VSIG10L: variants seen among roughly 807,000 people sequenced by gnomAD.
The protein encoded by VSIG10L is V-set and immunoglobulin domain-containing protein 10-like.
Under a neutral mutation model 67.3 loss-of-function variants are expected in VSIG10L, and 63 were observed. The observed-to-expected ratio is 0.94, with a 90% confidence interval of 0.76 to 1.15. The LOEUF (loss-of-function observed/expected upper bound fraction) is 1.15, where lower values mean the gene tolerates loss of function less well. Among genes scored for constraint, VSIG10L ranks in the 50% most tolerant of loss-of-function variants. The pLI is 0.00. For missense variants in VSIG10L, 1,050 were observed against 1,177.5 expected, an observed-to-expected ratio of 0.89 and a Z score of 1.58; for synonymous variants, 499 against 524.9, an observed-to-expected ratio of 0.95 and a Z score of 0.67.
rs1389134792 is a variant in VSIG10L at position 51,338,020 on chromosome 19, C to A, written c.1918G>T (p.Gly640Cys). The A allele has an allele frequency of 1.9e-6, 3 of 1,551,688 alleles. No homozygotes were observed. The South Asian group carries it at 3.6e-5, about 18-fold the overall frequency. The stretch of plus-strand genomic sequence containing the variant: ...AGGTCCCAATCCAGGCTGAAGTTGC[C>A]GATGTGGAGTTTCCGCCCATCTTGA... ...LSQDGRKLHI[G>C]NFSLDWDLGN... Residue 640 changes from glycine (G) to cysteine (C), a missense_variant, in exon 6 of 10, where the codon GGC becomes TGC. Physicochemically the swap from Gly to Cys is radical, Grantham distance 159. Coordinates refer to ENST00000335624, the MANE Select transcript of VSIG10L (RefSeq NM_001163922.3).
At position 51,338,206 on chromosome 19, in the gene VSIG10L, C is replaced by A. The variant is rs1236446398; in HGVS notation, c.1732G>T (p.Ala578Ser). The A allele has an allele frequency of 6.1e-6, 9 of 1,465,216 alleles. No individual in the cohort carries two copies. Among genetic ancestry groups the A allele is most frequent in the Non-Finnish European group, 5.4e-6 (6 of 1,107,248 alleles). The allele number at this position is 1,465,216 out of a possible 1,614,324, so 90.8% of individuals were successfully genotyped here. The change falls in exon 6 of 10, where the codon GCC becomes TCC. Residue 578 changes from alanine (A) to serine (S), a missense_variant and splice_region_variant. By Grantham distance (99) the Ala-to-Ser change is moderately conservative. Coordinates refer to ENST00000335624, the MANE Select transcript of VSIG10L (RefSeq NM_001163922.3). ...GGATGCAGCAGCACCTCTCGGGGGG[C>A]CTCTGCCGGTGGGAGAAGTCCAGTT... ...ATRTCTVTPE[A>S]PREVLLHPLV... is the part of the protein sequence containing the mutation.
At position 51,333,932 on chromosome 19, in the gene VSIG10L, C is replaced by G. The variant is rs1383976692; in HGVS notation, c.2433G>C (p.Glu811Asp). The G allele has an allele frequency of 1.9e-6, 3 of 1,551,336 alleles. No homozygotes were observed. The highest frequency in any genetic ancestry group is 2.6e-6 in the Non-Finnish European group (3 of 1,146,958). ...CLCRFRGKTP[E>D]KKKHPSTLVP... Reference sequence around the variant, plus strand: ...CCAAGGTAGAAGGATGCTTCTTTTTCTCAGGAGTCTTTCCTGATTGAGAGG... The same window carrying G: ...CCAAGGTAGAAGGATGCTTCTTTTTGTCAGGAGTCTTTCCTGATTGAGAGG... The change falls in exon 9 of 10, where the codon GAG (glutamate) becomes GAC (aspartate). Residue 811 changes from glutamate (E) to aspartate (D), a missense_variant. By Grantham distance (45) the Glu-to-Asp change is conservative. Around this residue, in one of 3 missense-constraint regions of VSIG10L, gnomAD observed 529 missense variants for 584.9 expected, o/e 0.90. Transcript: ENST00000335624.
chr19:51,336,048 C>G (rs1985471225), intron 7 of VSIG10L, among the ~76,000 whole-genome samples: 1 of 152,184 alleles, frequency 6.6e-6, no homozygotes, highest in Non-Finnish European at 1.5e-5. Flanking sequence ...TGAACATGAT[C>G]ACTTTGGGGA....
rs1312204581 is a variant in VSIG10L, at chr19:51,340,515, C to T, written c.1107G>A (p.Val369=). ...EGDQLLIVRP[V]RSDHARYTCR... ...AAGTGTACCGGGCGTGGTCGCTGCG[C>T]ACAGGGCGCACGATGAGCAGCTGGT... Residue 369 remains valine, a synonymous_variant, in exon 3 of 10, where the codon GTG becomes GTA. Transcript: ENST00000335624. This position sits in a 1 kb window ranked among gnomAD's most constrained non-coding sequence, Gnocchi z 6.3. The T allele has an allele frequency of 1.3e-6, 2 of 1,533,472 alleles. No homozygotes were observed. Among genetic ancestry groups the T allele is most frequent in the Non-Finnish European group, 1.7e-6 (2 of 1,144,548 alleles). The allele number at this position is 1,533,472 out of a possible 1,614,324, so 95.0% of individuals were successfully genotyped here. A position where few individuals can be genotyped will look rare whatever the true frequency, so the allele number is the denominator to read the frequency against.
chr19:51,340,864 A>AGAG lies in VSIG10L; in HGVS notation c.896-139_896-138insCTC. On this transcript the variant is annotated intron_variant, in intron 2 of 9. Transcript: ENST00000335624. This position sits in a 1 kb window ranked among gnomAD's most constrained non-coding sequence, Gnocchi z 6.3. The stretch of plus-strand genomic sequence containing the variant: ...ATCCCTCTCCTCTCATAAACCTATG[A>AGAG]GTTTGAGCCCCCAGACACCTCCTCT... 8.4e-7 allele frequency: 1 copy of AGAG among 1,189,450 alleles called. No individual in the cohort carries two copies. Among genetic ancestry groups the AGAG allele is most frequent in the Non-Finnish European group, 1.1e-6 (1 of 895,730 alleles). 73.7% of individuals were successfully genotyped at this position (1,189,450 alleles called of 1,614,324 possible). A position where few individuals can be genotyped will look rare whatever the true frequency, so the allele number is the denominator to read the frequency against.
chr19:51,338,154 TC>T lies in VSIG10L; in HGVS notation c.1783del (p.Glu595ArgfsTer93). The T allele has an allele frequency of 1.3e-6, 2 of 1,526,604 alleles. No individual in the cohort carries two copies. 94.6% of individuals were successfully genotyped at this position (1,526,604 alleles called of 1,614,324 possible). On this transcript the variant is annotated frameshift_variant, in exon 6 of 10. Coordinates refer to ENST00000335624, the MANE Select transcript of VSIG10L (RefSeq NM_001163922.3). LOFTEE classifies it high-confidence loss of function. ...AGAGGCCTCCAGTGCCACCTCTGCC[TC>T]CCCCAACCGTGTCTCTGCCACCAGC... is the stretch of plus-strand genomic sequence containing the variant. Reference protein sequence around the residue: ...HPLVAETRLGEAEVALEASGC... With the variant: ...HPLVAETRLGXAEVALEASGC...
intron 7 of VSIG10L, 96 bp downstream of exon 7, chr19:51,337,142 T>G: frequency 7.3e-7 from 1 of 1,368,292 alleles, no homozygotes; most frequent in East Asian, 2.5e-5. Flanking sequence ...ATGCAGTTCA[T>G]GGTACTTTGT....
At chr19:51,335,113 G>A (rs1380731673) in intron 7 of VSIG10L, among the ~76,000 whole-genome samples, 1 of 152,192 alleles carries the variant, frequency 6.6e-6, no homozygotes, top group Admixed American at 6.5e-5. Flanking sequence ...CAAGAGGAGG[G>A]AACAGTAAAT....
Position 51,340,275 on chromosome 19 carries a change from G to A in VSIG10L, c.1214C>T (p.Thr405Met), listed in dbSNP as rs1229819334. ...VFYGPDPPTI[T>M]VSSDRDAAPA... ...CGCGGCGTCGCGGTCCGAGGAGACC[G>A]TGATGGTCGGCGGGTCCGGGCCGTC... The change falls in exon 4 of 10, where the codon ACG becomes ATG. Residue 405 changes from threonine to methionine, a missense_variant. Thr to Met is a moderately conservative substitution (Grantham distance 81). Coordinates refer to ENST00000335624, the MANE Select transcript of VSIG10L (RefSeq NM_001163922.3). The surrounding 1 kb of genome is among the most constrained non-coding windows in gnomAD (Gnocchi z 6.3). The A allele has an allele frequency of 1.3e-6, 2 of 1,519,118 alleles. No homozygotes were observed. The highest frequency in any genetic ancestry group is 8.8e-7 in the Non-Finnish European group (1 of 1,140,150). The allele number at this position is 1,519,118 out of a possible 1,614,324, so 94.1% of individuals were successfully genotyped here.
At chr19:51,337,814 G>T in intron 6 of VSIG10L, 116 bp downstream of exon 6, 1 of 1,315,478 alleles carries the variant, frequency 7.6e-7, no homozygotes, top group Non-Finnish European at 1.0e-6. Context: ...AGGAGAGGCT[G>T]GGGGCCTGGA....
Position 51,340,540 on chromosome 19 carries a change from T to G in VSIG10L, c.1082A>C (p.Asp361Ala). Residue 361 changes from aspartate (D) to alanine (A), a missense_variant, in exon 3 of 10, where the codon GAC becomes GCC. Asp to Ala is a moderately radical substitution (Grantham distance 126). Around this residue, in one of 3 missense-constraint regions of VSIG10L, gnomAD observed 511 missense variants for 557.9 expected, o/e 0.92. Transcript: ENST00000335624. The surrounding 1 kb of genome is among the most constrained non-coding windows in gnomAD (Gnocchi z 6.3). The part of the protein sequence containing the change: ...AETPRMRSEG[D>A]QLLIVRPVRS... ...CACAGGGCGCACGATGAGCAGCTGG[T>G]CGCCCTCTGAGCGCATCCGGGGCGT... 7 of 1,535,108 alleles carry G rather than the reference T, an allele frequency of 4.6e-6. No homozygotes were observed. The highest frequency in any genetic ancestry group is 6.1e-6 in the Non-Finnish European group (7 of 1,145,566).
intron 4 of VSIG10L, among the ~76,000 whole-genome samples, chr19:51,339,418 G>A (rs1020749972): frequency 2.0e-5 from 3 of 151,926 alleles, no homozygotes; most frequent in Non-Finnish European, 4.4e-5. Flanking sequence ...TTCCTTTCCA[G>A]CTCCACCCAC....
rs965769427 is a variant in VSIG10L, at chr19:51,334,159, A to G, written c.2419+32T>C. On this transcript the variant is annotated intron_variant, in intron 8 of 9. Coordinates refer to ENST00000335624, the MANE Select transcript of VSIG10L (RefSeq NM_001163922.3). ...TTTCTAGGGTCCCTCCCCGTTGGTC[A>G]TGGTTGCCCCTTCCCCAGTCCCCTT... The G allele has an allele frequency of 2.4e-5, 37 of 1,549,372 alleles. No homozygotes were observed. In the Admixed American group the frequency reaches 6.7e-4, roughly 28 times the overall value.
chr19:51,335,162 G>A (rs957645328), intron 7 of VSIG10L, among the ~76,000 whole-genome samples: 4 of 152,176 alleles, frequency 2.6e-5, no homozygotes, highest in Non-Finnish European at 2.9e-5. Flanking sequence ...TCTGTTCAAC[G>A]AAGGCCAGCG....
chr19:51,340,972 C>CCTCCCT lies in VSIG10L; in HGVS notation c.895+180_895+181insAGGGAG. 1 of 1,028,978 alleles carries CCTCCCT rather than the reference C, an allele frequency of 9.7e-7. No homozygotes were observed. The highest frequency in any genetic ancestry group is 1.3e-6 in the Non-Finnish European group (1 of 756,096). The allele number at this position is 1,028,978 out of a possible 1,614,324, so 63.7% of individuals were successfully genotyped here. On this transcript the variant is annotated intron_variant, in intron 2 of 9. Transcript: ENST00000335624. The surrounding 1 kb of genome is among the most constrained non-coding windows in gnomAD (Gnocchi z 6.3). ...TGGGAGTTCAGGCTCCCAGGAGTCTCCATCCCAGGTCCACCTTTGCTCAGA... is the reference window on the plus strand; with the variant it reads ...TGGGAGTTCAGGCTCCCAGGAGTCTCCTCCCTCATCCCAGGTCCACCTTTGCTCAGA...
In VSIG10L at chr19:51,341,768, A is replaced by G. The variant is rs1985645428; in HGVS notation, c.280T>C (p.Trp94Arg). Reference protein sequence around the residue: ...ALSSNMSGSFWSNVSAEGQDL... With the variant: ...ALSSNMSGSFRSNVSAEGQDL... ...TGGCCCTCAGCAGAAACATTTGACCAGAAGGACCCAGACATGTTGGAACTC... is the reference window on the plus strand; with the variant it reads ...TGGCCCTCAGCAGAAACATTTGACCGGAAGGACCCAGACATGTTGGAACTC... Residue 94 changes from tryptophan (W) to arginine (R), a missense_variant, in exon 2 of 10, where the codon TGG (tryptophan) becomes CGG (arginine). By Grantham distance (101) the Trp-to-Arg change is moderately radical (BLOSUM62 -3). This residue lies in a region of VSIG10L where 511 missense variants were observed against 557.9 expected (regional missense o/e 0.92). Transcript: ENST00000335624. 1 of 1,551,560 alleles carries G rather than the reference A, an allele frequency of 6.4e-7. No homozygotes were observed. Among genetic ancestry groups the G allele is most frequent in the Admixed American group, 2.0e-5 (1 of 50,976 alleles).
In VSIG10L at chr19:51,333,988, G is replaced by C. The variant is rs984282506; in HGVS notation, c.2420-43C>G. 3.9e-6 allele frequency: 6 copies of C among 1,548,016 alleles called. No homozygotes were observed. In the African/African-American group the frequency reaches 8.2e-5, roughly 21 times the overall value. On this transcript the variant is annotated intron_variant, in intron 8 of 9. Transcript: ENST00000335624. The stretch of plus-strand genomic sequence containing the variant: ...GAGAAGCAGGAACACGTGATTGGCT[G>C]CCCCAACATGCCAACCCAGCCAATA...
intron 7 of VSIG10L, among the ~76,000 whole-genome samples, chr19:51,336,834 TC>T (rs1205685366): frequency 1.4e-5 from 2 of 145,674 alleles, no homozygotes; most frequent in East Asian, 4.4e-4. Context: ...GTGGCTGATC[TC>T]GGCTCACTGC....
intron 9 of VSIG10L, 24 bp downstream of exon 9, chr19:51,333,767 G>A (rs1397783783): frequency 6.6e-7 from 1 of 1,513,236 alleles, no homozygotes; most frequent in African/African-American, 1.4e-5. Context: ...GATTCCAGGA[G>A]GAAATGAGGG....
Sources: allele counts gnomAD v4.1 joint callset (sites outside exome capture counted in the v4.1 genomes callset), GRCh38; gene constraint gnomAD v4.1.1; regional missense constraint gnomAD v4.1.1; non-coding constraint Gnocchi (gnomAD v3.1); transcripts MANE v1.5; gene names NCBI Gene and HGNC (gene_info 2026-07-23, HGNC 2026-07-21).